GCNT4: variants seen among roughly 807,000 people sequenced by gnomAD.
GCNT4 encodes the protein glucosaminyl (N-acetyl) transferase 4, also known as beta-1,3-galactosyl-O-glycosyl-glycoprotein beta-1,6-N-acetylglucosaminyltransferase 4.
In GCNT4, 17 loss-of-function variants were observed where a neutral mutation model predicts 31.3. The ratio of observed to expected loss-of-function variants is 0.54; its 90% CI spans 0.37 to 0.81. GCNT4 has a LOEUF of 0.81. Among genes scored for constraint, GCNT4 ranks in the 40% least tolerant of loss-of-function variants. GCNT4 has a pLI of 0.00. For missense variants in GCNT4, 503 were observed against 525.5 expected (o/e 0.96, Z 0.42); for synonymous variants, 158 against 190.6 (o/e 0.83, Z 1.41).
chr5:75,041,862 T>C (rs908368697), intron 3 of GCNT4, among the ~76,000 whole-genome samples: 7 of 152,176 alleles, frequency 4.6e-5, no homozygotes, highest in African/African-American at 1.7e-4. Flanking sequence ...TAGCAGGAAG[T>C]GTAAAGGGCC....
At chr5:75,035,262 G>A (rs1743170760) in intron 3 of GCNT4, among the ~76,000 whole-genome samples, 1 of 152,230 alleles carries the variant, frequency 6.6e-6, no homozygotes, top group African/African-American at 2.4e-5. Flanking sequence ...TTCTTACCTT[G>A]GCAATTTAAA....
intron 2 of GCNT4, among the ~76,000 whole-genome samples, chr5:75,050,442 C>T (rs538582833): frequency 6.6e-6 from 1 of 152,232 alleles, no homozygotes; most frequent in South Asian, 2.1e-4. Context: ...CTCCGTCCCA[C>T]CTCTCACTCT....
intron 3 of GCNT4, among the ~76,000 whole-genome samples, chr5:75,047,134 G>A (rs975379891): frequency 1.3e-5 from 2 of 151,914 alleles, no homozygotes; most frequent in Admixed American, 6.6e-5. Context: ...TGCATCTCTG[G>A]GGCTTCATTT....
chr5:75,029,677 G>T lies in GCNT4; in HGVS notation c.361C>A (p.Gln121Lys). 6.2e-7 allele frequency: 1 copy of T among 1,614,078 alleles called. No individual in the cohort carries two copies. Among genetic ancestry groups the T allele is most frequent in the Non-Finnish European group, 8.5e-7 (1 of 1,180,008 alleles). Reference protein sequence around the residue: ...DIYQTLRGYAQKLVSKEEKSF... With the variant: ...DIYQTLRGYAKKLVSKEEKSF... ...TTCTCCTCCTTTGAGACAAGCTTTT[G>T]AGCATAACCTCTTAGAGTCTGATAA... The change falls in exon 4 of 4, where the codon CAA becomes AAA. Residue 121 changes from glutamine (Q) to lysine (K), a missense_variant. Transcript: ENST00000652361.
At position 75,029,073 on chromosome 5, in the gene GCNT4, T is replaced by G; in HGVS notation, c.965A>C (p.Gln322Pro). The change falls in exon 4 of 4, where the codon CAA becomes CCA. Residue 322 changes from glutamine to proline, a missense_variant. Coordinates refer to ENST00000652361, the MANE Select transcript of GCNT4 (RefSeq NM_001366737.1). ...GTCTTTAGACCAGGCAAAAAAGTCT[T>G]GAACGATGGAGTTGTTGAAAATATA... ...VKYIFNNSIV[Q>P]DFFAWSKDTY... 6.2e-7 allele frequency: 1 copy of G among 1,614,172 alleles called. No individual in the cohort carries two copies. Among genetic ancestry groups the G allele is most frequent in the South Asian group, 1.1e-5 (1 of 91,078 alleles).
chr5:75,021,733 ACT>A (rs1742882769), downstream of GCNT4, among the ~76,000 whole-genome samples: 1 of 152,010 alleles, frequency 6.6e-6, no homozygotes, highest in African/African-American at 2.4e-5. Flanking sequence ...GTGACTAGTA[ACT>A]CTCTGAAGTG....
At chr5:75,039,246 C>G in intron 3 of GCNT4, among the ~76,000 whole-genome samples, 1 of 151,892 alleles carries the variant, frequency 6.6e-6, no homozygotes, top group Non-Finnish European at 1.5e-5. Flanking sequence ...CCCACCACCA[C>G]GCCTGGCTAA....
At chr5:75,048,931 G>A (rs911810185) in intron 2 of GCNT4, among the ~76,000 whole-genome samples, 2 of 152,176 alleles carry the variant, frequency 1.3e-5, no homozygotes, top group African/African-American at 4.8e-5. Context: ...AACACAAATT[G>A]CTGAGCCTCA....
intron 3 of GCNT4, among the ~76,000 whole-genome samples, chr5:75,033,880 C>T (rs1233139298): frequency 1.3e-5 from 2 of 151,988 alleles, no homozygotes; most frequent in Admixed American, 1.3e-4. Context: ...TGTTCCCCTC[C>T]CTGTGTCCAT....
chr5:75,051,724 A>AT (rs1743573104), intron 2 of GCNT4, among the ~76,000 whole-genome samples: 2 of 152,208 alleles, frequency 1.3e-5, no homozygotes, highest in African/African-American at 2.4e-5. Flanking sequence ...CGACTATGCC[A>AT]TTCACCCCAC....
rs1165823675 is a variant in GCNT4 at position 75,029,306 on chromosome 5, T to C, written c.732A>G (p.Lys244=). Residue 244 remains lysine, a synonymous_variant, in exon 4 of 4, where the codon AAA becomes AAG. Coordinates refer to ENST00000652361, the MANE Select transcript of GCNT4 (RefSeq NM_001366737.1). ...CCAACATATTTGCTCCATTGAGTTT[T>C]TTCAACTCTGACACCAATTCAAAAT... is the stretch of plus-strand genomic sequence containing the variant. The part of the protein sequence containing the change: ...KSNFELVSEL[K]KLNGANMLET... 23 of 1,614,062 alleles carry C rather than the reference T, an allele frequency of 1.4e-5. No homozygotes were observed. Among genetic ancestry groups the C allele is most frequent in the African/African-American group, 2.7e-5 (2 of 74,930 alleles).
Position 75,052,223 on chromosome 5 carries a change from T to C in GCNT4, c.-197A>G, listed in dbSNP as rs927556461. 6.7e-6 allele frequency: 1 copy of C among 149,980 alleles called. No homozygotes were observed. The highest frequency in any genetic ancestry group is 2.5e-5 in the African/African-American group (1 of 40,514). 9.3% of individuals were successfully genotyped at this position (149,980 alleles called of 1,614,324 possible). A position where few individuals can be genotyped will look rare whatever the true frequency, so the allele number is the denominator to read the frequency against. ...CCAACTCTGTTAATCTTCTGGTTTG[T>C]TGTTCTTCCATTTTTAAAGACAAAA... On this transcript the variant is annotated 5_prime_UTR_variant, in exon 2 of 4. Transcript: ENST00000652361.
At chr5:75,045,630 C>T (rs918375326) in intron 3 of GCNT4, among the ~76,000 whole-genome samples, 1 of 152,206 alleles carries the variant, frequency 6.6e-6, no homozygotes, top group African/African-American at 2.4e-5. Flanking sequence ...TGCCTTCACT[C>T]GTTCAAGAAT....
the GCNT4 span, among the ~76,000 whole-genome samples, chr5:75,018,344 T>A: frequency 6.6e-6 from 1 of 152,182 alleles, no homozygotes; most frequent in Non-Finnish European, 1.5e-5. Flanking sequence ...TGCAGTGGCA[T>A]GATCTCGGCT....
rs1006422234 is a variant in GCNT4, at chr5:75,025,611, T to G, written c.*3065A>C. 6.6e-6 allele frequency: 1 copy of G among 152,198 alleles called. No individual in the cohort carries two copies. Among genetic ancestry groups the G allele is most frequent in the African/African-American group, 2.4e-5 (1 of 41,434 alleles). The allele number at this position is 152,198 out of a possible 1,614,324, so 9.4% of individuals were successfully genotyped here. ...AATACATTCACTTACACTCACAAAG[T>G]GGATTATCATTTTTATTTTCCATGA... On this transcript the variant is annotated 3_prime_UTR_variant, in exon 4 of 4. Coordinates refer to ENST00000652361, the MANE Select transcript of GCNT4 (RefSeq NM_001366737.1).
intron 2 of GCNT4, among the ~76,000 whole-genome samples, chr5:75,051,433 C>T (rs972335579): frequency 6.6e-6 from 1 of 152,192 alleles, no homozygotes; most frequent in African/African-American, 2.4e-5. Flanking sequence ...CGCCTTGTAG[C>T]CTAAGAAGGA....
chr5:75,030,534 A>C (rs1396231345), intron 3 of GCNT4: 1 of 169,122 alleles, frequency 5.9e-6, no homozygotes, highest in Non-Finnish European at 1.4e-5. Flanking sequence ...CCCCACGTTC[A>C]GAAAGAAGGG....
At chr5:75,036,620 G>A (rs1561375493) in intron 3 of GCNT4, among the ~76,000 whole-genome samples, 1 of 151,082 alleles carries the variant, frequency 6.6e-6, no homozygotes, top group African/African-American at 2.5e-5. Flanking sequence ...ACATGGTCGA[G>A]GAGATCTTCC....
Position 75,031,591 on chromosome 5 carries a change from A to G in GCNT4, c.-1-1553T>C, listed in dbSNP as rs139708665. Among the ~76,000 whole-genome samples the G allele has an allele frequency of 2.0e-3, 304 of 152,342 alleles. 2 individuals are homozygous for G. The East Asian group carries it at 0.023, about 12-fold the overall frequency. On this transcript the variant is annotated intron_variant, in intron 3 of 3. Coordinates refer to ENST00000652361, the MANE Select transcript of GCNT4 (RefSeq NM_001366737.1). ...TGTAGTGTTTCCAAAAGGATATTGT[A>G]TACACACAACACTGGTAACGGGAAT...
Sources: allele counts gnomAD v4.1 joint callset (sites outside exome capture counted in the v4.1 genomes callset), GRCh38; gene constraint gnomAD v4.1.1; transcripts MANE v1.5; gene names NCBI Gene and HGNC (gene_info 2026-07-23, HGNC 2026-07-21).